Variants in SYTL3 observed in about 807,000 individuals in gnomAD.
SYTL3 encodes synaptotagmin like 3, also known as synaptotagmin-like protein 3.
Under a neutral mutation model 82.1 loss-of-function variants are expected in SYTL3, and 88 were observed. That is an observed-to-expected ratio of 1.07 (90% CI 0.90 to 1.28). The LOEUF (loss-of-function observed/expected upper bound fraction) is 1.28. Among genes scored for constraint, SYTL3 ranks in the 50% most tolerant of loss-of-function variants. The pLI is 0.00. For synonymous variants in SYTL3, 311 were observed against 289.4 expected (o/e 1.07, Z -0.76); for missense variants, 831 against 757.6 (o/e 1.10, Z -1.14).
At chr6:158,711,005 C>G (rs528086384) in intron 8 of SYTL3, among the ~76,000 whole-genome samples, 45 of 152,112 alleles carry the variant, frequency 3.0e-4, no homozygotes, top group Non-Finnish European at 6.5e-4. Context: ...TGCTTTTGAC[C>G]TCCTGATCTC....
intron 16 of SYTL3, 30 bp downstream of exon 16, chr6:158,762,208 T>G (rs943749485): frequency 2.3e-5 from 35 of 1,521,100 alleles, no homozygotes; most frequent in Non-Finnish European, 2.9e-5. Context: ...AAATATTTAT[T>G]GGTGATCTAG....
chr6:158,713,612 G>A (rs1246278853), intron 8 of SYTL3, among the ~76,000 whole-genome samples, 188 bp from the exon 9 acceptor site: 1 of 152,080 alleles, frequency 6.6e-6, no homozygotes, highest in Non-Finnish European at 1.5e-5. Flanking sequence ...CTACCCCTCA[G>A]GAAGACTGCT....
At chr6:158,718,756 A>C (rs1334791617) in intron 10 of SYTL3, among the ~76,000 whole-genome samples, 1 of 152,204 alleles carries the variant, frequency 6.6e-6, no homozygotes, top group Admixed American at 6.5e-5. Context: ...CCTGGAGTGA[A>C]CGCTTCGGGT....
chr6:158,731,283 C>CA (rs59185658), intron 11 of SYTL3, among the ~76,000 whole-genome samples: 8,151 of 148,992 alleles, frequency 0.055, 682 homozygotes, highest in African/African-American at 0.18. Flanking sequence ...AACTCCATCT[C>CA]AAAAAAAAAC....
chr6:158,662,519 C>T (rs944252534), intron 3 of SYTL3, among the ~76,000 whole-genome samples: 6 of 152,284 alleles, frequency 3.9e-5, no homozygotes, highest in South Asian at 2.1e-4. Flanking sequence ...CAGACTTTTA[C>T]GTCCTCTGAC....
chr6:158,763,499 A>G lies in SYTL3; in HGVS notation c.1713A>G (p.Arg571=), dbSNP rs1029414929. The G allele has an allele frequency of 4.3e-6, 7 of 1,613,964 alleles. No homozygotes were observed. Among genetic ancestry groups the G allele is most frequent in the Non-Finnish European group, 4.2e-6 (5 of 1,179,860 alleles). The part of the protein sequence containing the change: ...GMNDRLLGGT[R]LGSKGDTAVG... Reference sequence around the variant, plus strand: ...ACGACCGCTTGCTTGGAGGAACCAGACTTGGTTCAAGTAAGTCTGAGACAT... The same window carrying G: ...ACGACCGCTTGCTTGGAGGAACCAGGCTTGGTTCAAGTAAGTCTGAGACAT... The change falls in exon 17 of 18, where the codon AGA becomes AGG. Residue 571 remains arginine (R), a synonymous_variant. Coordinates refer to ENST00000611299, the MANE Select transcript of SYTL3 (RefSeq NM_001242394.2).
At chr6:158,678,408 C>T (rs567269993) in intron 5 of SYTL3, among the ~76,000 whole-genome samples, 3 of 151,286 alleles carry the variant, frequency 2.0e-5, no homozygotes, top group African/African-American at 7.3e-5. Context: ...AGTGTAGATG[C>T]AGTAGCTTAG....
At position 158,673,440 on chromosome 6, in the gene SYTL3, A is replaced by ATTTT. The variant is rs553781177; in HGVS notation, c.329+7841_329+7844dup. Among the ~76,000 whole-genome samples, 4 of 134,506 alleles carry ATTTT rather than the reference A, an allele frequency of 3.0e-5. 1 individual carries two copies. Among genetic ancestry groups the ATTTT allele is most frequent in the South Asian group, 2.4e-4 (1 of 4,226 alleles). 88.2% of individuals were successfully genotyped at this position (134,506 alleles called of 152,430 possible). On this transcript the variant is annotated intron_variant, in intron 5 of 17. Transcript: ENST00000611299. ...CTTACACAGCTTCTTTGGGAATAGC[A>ATTTT]TTTTTTTTTTTTTTTTTGAGACGGA... is the stretch of plus-strand genomic sequence containing the variant.
chr6:158,763,543 C>T (rs773636668), intron 17 of SYTL3, 34 bp downstream of exon 17: 1 of 1,574,296 alleles, frequency 6.4e-7, no homozygotes, highest in Non-Finnish European at 8.7e-7. Flanking sequence ...AACGTTTATA[C>T]TTTGTGATTA....
chr6:158,733,687 A>G (rs903844236), intron 11 of SYTL3, among the ~76,000 whole-genome samples: 3 of 152,088 alleles, frequency 2.0e-5, no homozygotes, highest in African/African-American at 4.8e-5. Flanking sequence ...TTTAAATTGT[A>G]AAGTCTGGCT....
chr6:158,719,759 T>C (rs769236661), intron 10 of SYTL3, among the ~76,000 whole-genome samples: 1 of 152,214 alleles, frequency 6.6e-6, no homozygotes, highest in African/African-American at 2.4e-5. Flanking sequence ...TCACATTTAA[T>C]TCTCACAAAA....
chr6:158,761,301 CTTTTTT>C lies in SYTL3; in HGVS notation c.1414+570_1414+575del, dbSNP rs11463987. The stretch of plus-strand genomic sequence containing the variant: ...AGGAGGACTGGGAGAATGCACATTT[CTTTTTT>C]TTTTTTTTTTTTTGAGACAGAGTTT... On this transcript the variant is annotated intron_variant, in intron 15 of 17. Coordinates refer to ENST00000611299, the MANE Select transcript of SYTL3 (RefSeq NM_001242394.2). Among the ~76,000 whole-genome samples, 77 of 93,874 alleles carry C rather than the reference CTTTTTT, an allele frequency of 8.2e-4. 2 individuals carry two copies. The highest frequency in any genetic ancestry group is 3.1e-3 in the African/African-American group (73 of 23,312). 61.6% of individuals were successfully genotyped at this position (93,874 alleles called of 152,430 possible).
intron 7 of SYTL3, 104 bp from the exon 8 acceptor site, chr6:158,708,218 C>T (rs560828427): frequency 4.4e-5 from 47 of 1,063,336 alleles, no homozygotes; most frequent in Admixed American, 4.4e-4. Flanking sequence ...AAAAAAAAGG[C>T]GGAGAACTAG....
At chr6:158,708,586 C>T (rs1583317920) in intron 8 of SYTL3, among the ~76,000 whole-genome samples, 195 bp downstream of exon 8, 1 of 152,248 alleles carries the variant, frequency 6.6e-6, no homozygotes, top group African/African-American at 2.4e-5. Flanking sequence ...TCATTCTGGT[C>T]GCGGGACCCT....
At chr6:158,717,139 T>A (rs1381360706) in intron 9 of SYTL3, among the ~76,000 whole-genome samples, 2 of 150,934 alleles carry the variant, frequency 1.3e-5, no homozygotes, top group Non-Finnish European at 2.9e-5. Context: ...CCGGGCGTGG[T>A]GACACACACC....
At chr6:158,755,907 G>T (rs1276303040) in intron 13 of SYTL3, among the ~76,000 whole-genome samples, 1 of 152,196 alleles carries the variant, frequency 6.6e-6, no homozygotes, top group Non-Finnish European at 1.5e-5. Context: ...TGCAGTGTCG[G>T]CTACCAGACC....
chr6:158,729,710 GCGC>G (rs1785173519), intron 11 of SYTL3, among the ~76,000 whole-genome samples: 1 of 151,550 alleles, frequency 6.6e-6, no homozygotes, highest in Non-Finnish European at 1.5e-5. Flanking sequence ...GGGACTACAG[GCGC>G]CCGCCACCAC....
At chr6:158,711,509 G>A (rs944868699) in intron 8 of SYTL3, among the ~76,000 whole-genome samples, 2 of 152,220 alleles carry the variant, frequency 1.3e-5, no homozygotes, top group African/African-American at 4.8e-5. Flanking sequence ...CAAGTCCCAA[G>A]GTGTCGGCGC....
chr6:158,710,092 A>G (rs1782591040), intron 8 of SYTL3, among the ~76,000 whole-genome samples: 1 of 152,218 alleles, frequency 6.6e-6, no homozygotes, highest in Non-Finnish European at 1.5e-5. Flanking sequence ...ACTTTACACA[A>G]TAAATAGGCA....
Sources: gnomAD v4.1 joint callset for allele counts (sites outside exome capture counted in the v4.1 genomes callset) on GRCh38, gnomAD v4.1.1 for gene constraint, MANE v1.5 for transcripts, NCBI Gene and HGNC (gene_info 2026-07-23, HGNC 2026-07-21) for gene names.